The following CDKAL1 variants were observed in gnomAD, a reference collection of about 807,000 sequenced individuals.
CDKAL1 encodes the protein CDKAL1 threonylcarbamoyladenosine tRNA methylthiotransferase, also known as threonylcarbamoyladenosine tRNA methylthiotransferase.
A neutral mutation model predicts 68.2 loss-of-function variants in CDKAL1; 32 were observed. The ratio of observed to expected loss-of-function variants is 0.47; its 90% CI spans 0.35 to 0.63. The LOEUF (loss-of-function observed/expected upper bound fraction) is 0.63, where lower values mean the gene tolerates loss of function less well. Among genes scored for constraint, CDKAL1 ranks in the 30% least tolerant of loss-of-function variants. CDKAL1 has a pLI of 0.00. For missense variants in CDKAL1, 606 were observed against 696.7 expected, an observed-to-expected ratio of 0.87 and a Z score of 1.47; for synonymous variants, 234 against 244.3, an observed-to-expected ratio of 0.96 and a Z score of 0.39.
intron 8 of CDKAL1, among the ~76,000 whole-genome samples, chr6:20,798,188 T>C (rs1437775463): frequency 6.6e-6 from 1 of 152,010 alleles, no homozygotes; most frequent in Non-Finnish European, 1.5e-5. Context: ...CAAGGATTTT[T>C]AGGGGTTAGA....
At chr6:21,029,128 C>T (rs547811407) in intron 11 of CDKAL1, among the ~76,000 whole-genome samples, 2 of 152,240 alleles carry the variant, frequency 1.3e-5, no homozygotes, top group South Asian at 2.1e-4. Context: ...CTCACTGTAA[C>T]CTTGACATCC....
chr6:21,013,629 A>C (rs147129376), intron 11 of CDKAL1, among the ~76,000 whole-genome samples: 1 of 152,314 alleles, frequency 6.6e-6, no homozygotes, highest in East Asian at 1.9e-4. Context: ...ATATCTCTAT[A>C]GCTATAGACT....
chr6:21,199,968 C>G (rs1435001139), intron 14 of CDKAL1, among the ~76,000 whole-genome samples: 1 of 152,162 alleles, frequency 6.6e-6, no homozygotes, highest in Non-Finnish European at 1.5e-5. Flanking sequence ...ACTCCTGGCT[C>G]TCATCTGACT....
intron 5 of CDKAL1, among the ~76,000 whole-genome samples, chr6:20,684,424 A>G (rs1272956837): frequency 6.6e-6 from 1 of 152,264 alleles, no homozygotes; most frequent in Non-Finnish European, 1.5e-5. Flanking sequence ...CCTTGGTGTC[A>G]GAGTGAGTCT....
At position 20,743,747 on chromosome 6, in the gene CDKAL1, C is replaced by T. The variant is rs146404391; in HGVS notation, c.468+4132C>T. On this transcript the variant is annotated intron_variant, in intron 6 of 15. Coordinates refer to ENST00000274695, the MANE Select transcript of CDKAL1 (RefSeq NM_017774.3). ...GAAACCAGAAATAAAGCCTGCCATCCTCTGAGTCCAGATCCTCTGGCTTTG... is the reference window on the plus strand; with the variant it reads ...GAAACCAGAAATAAAGCCTGCCATCTTCTGAGTCCAGATCCTCTGGCTTTG... Among the ~76,000 whole-genome samples the T allele has an allele frequency of 2.5e-3, 378 of 152,310 alleles. 3 individuals carry two copies. Among genetic ancestry groups the T allele is most frequent in the African/African-American group, 6.7e-3 (277 of 41,592 alleles).
intron 9 of CDKAL1, among the ~76,000 whole-genome samples, chr6:20,853,382 AAAAC>A (rs1210106580): frequency 3.6e-5 from 1 of 27,616 alleles, no homozygotes; most frequent in Non-Finnish European, 7.9e-5. Flanking sequence ...TTCGTCTCAA[AAAAC>A]AAAACAAAAA....
intron 13 of CDKAL1, among the ~76,000 whole-genome samples, chr6:21,141,768 C>CTA (rs1321666098): frequency 2.0e-5 from 3 of 152,130 alleles, no homozygotes; most frequent in African/African-American, 7.2e-5. Context: ...GCCCTTAAGA[C>CTA]TGTGAATGGG....
At chr6:20,752,578 TC>T (rs978657878) in intron 6 of CDKAL1, among the ~76,000 whole-genome samples, 25 of 152,140 alleles carry the variant, frequency 1.6e-4, no homozygotes, top group African/African-American at 6.0e-4. Flanking sequence ...AATAAAGAGT[TC>T]CTATATGCTC....
intron 12 of CDKAL1, among the ~76,000 whole-genome samples, chr6:21,077,697 A>C (rs1231595720): frequency 2.0e-5 from 3 of 152,214 alleles, no homozygotes; most frequent in South Asian, 2.1e-4. Context: ...GCAAGGGGGA[A>C]GTCTGCCCCC....
At chr6:20,844,485 G>A (rs1778296619) in intron 8 of CDKAL1, among the ~76,000 whole-genome samples, 1 of 151,948 alleles carries the variant, frequency 6.6e-6, no homozygotes, top group Admixed American at 6.6e-5. Context: ...CTGATTTTTT[G>A]AGGTGGATTC....
At chr6:21,011,794 A>G (rs923776624) in intron 11 of CDKAL1, among the ~76,000 whole-genome samples, 1 of 152,176 alleles carries the variant, frequency 6.6e-6, no homozygotes, top group Admixed American at 6.5e-5. Flanking sequence ...TATAGGTTTC[A>G]TTTTATCCGT....
intron 9 of CDKAL1, among the ~76,000 whole-genome samples, chr6:20,862,037 A>G (rs1759659094): frequency 6.6e-6 from 1 of 152,224 alleles, no homozygotes; most frequent in Non-Finnish European, 1.5e-5. Context: ...ACTTTTTGAC[A>G]TGTATTTTAA....
intron 9 of CDKAL1, among the ~76,000 whole-genome samples, chr6:20,885,853 G>T (rs924283642): frequency 1.3e-5 from 2 of 152,262 alleles, no homozygotes; most frequent in African/African-American, 4.8e-5. Flanking sequence ...AGGCCGAGGT[G>T]CATCAGATCA....
intron 11 of CDKAL1, among the ~76,000 whole-genome samples, chr6:21,008,676 C>G (rs550726444): frequency 3.3e-5 from 5 of 152,256 alleles, no homozygotes; most frequent in African/African-American, 1.2e-4. Flanking sequence ...ACTGCAGCAT[C>G]CCCAGTTCCT....
intron 11 of CDKAL1, among the ~76,000 whole-genome samples, chr6:21,014,890 C>G (rs1768239288): frequency 6.6e-6 from 1 of 152,136 alleles, no homozygotes; most frequent in Non-Finnish European, 1.5e-5. Context: ...TCATTTGATG[C>G]AAGACTTAAA....
rs1052557854 is a variant in CDKAL1, at chr6:20,765,079, T to G, written c.517+6436T>G. 2.0e-5 allele frequency among the ~76,000 whole-genome samples: 3 copies of G among 152,332 alleles called. No individual in the cohort carries two copies. In the East Asian group the frequency reaches 5.8e-4, roughly 29 times the overall value. On this transcript the variant is annotated intron_variant, in intron 7 of 15. Transcript: ENST00000274695. The stretch of plus-strand genomic sequence containing the variant: ...TTTTAAGTTTATGAGTATAGTAAAG[T>G]TAACTTTACTATTTGATTACAGTTT...
chr6:20,651,054 T>C (rs1768744112), intron 5 of CDKAL1, among the ~76,000 whole-genome samples: 3 of 152,182 alleles, frequency 2.0e-5, no homozygotes, highest in African/African-American at 7.2e-5. Flanking sequence ...TTTGGTTTCA[T>C]ATGAATTTTA....
At chr6:20,756,029 A>G (rs1774154501) in intron 6 of CDKAL1, 1 of 152,130 alleles carries the variant, frequency 6.6e-6, no homozygotes, top group East Asian at 1.9e-4. Context: ...ATCTTTTCCC[A>G]TGCTTTACCC....
chr6:20,595,396 G>C (rs9350263), intron 4 of CDKAL1, among the ~76,000 whole-genome samples: 123,965 of 151,920 alleles, frequency 0.82, 51,025 homozygotes, highest in African/African-American at 0.93. Context: ...TCTAATAATG[G>C]GTTATTTCAT....
Sources: gnomAD v4.1 joint callset for allele counts (sites outside exome capture counted in the v4.1 genomes callset) on GRCh38, gnomAD v4.1.1 for gene constraint, MANE v1.5 for transcripts, NCBI Gene and HGNC (gene_info 2026-07-23, HGNC 2026-07-21) for gene names.